The following NOTCH2 variants were observed in gnomAD, a reference collection of about 807,000 sequenced individuals.
NOTCH2 encodes notch receptor 2, also known as neurogenic locus notch homolog protein 2.
In NOTCH2, 29 loss-of-function variants were observed where a neutral mutation model predicts 235.8. That is an observed-to-expected ratio of 0.12 (90% confidence interval 0.09 to 0.17). The LOEUF is 0.17. Ranked by LOEUF, NOTCH2 falls within the 10% of genes least tolerant of loss-of-function variation. The pLI, the probability that NOTCH2 is intolerant of heterozygous loss-of-function variation, is 1.00. For missense variants in NOTCH2, 2,285 were observed against 3,150.2 expected, an observed-to-expected ratio of 0.73 and a Z score of 6.57; for synonymous variants, 1,086 against 1,141.5, an observed-to-expected ratio of 0.95 and a Z score of 0.98.
In NOTCH2 at chr1:119,922,664, G is replaced by C; in HGVS notation, c.4974C>G (p.Thr1658=). 6.2e-7 allele frequency: 1 copy of C among 1,614,130 alleles called. No individual in the cohort carries two copies. The highest frequency in any genetic ancestry group is 8.5e-7 in the Non-Finnish European group (1 of 1,180,036). The change falls in exon 27 of 34, where the codon ACC becomes ACG. Residue 1658 remains threonine, a synonymous_variant. Coordinates refer to ENST00000256646, the MANE Select transcript of NOTCH2 (RefSeq NM_024408.4). The part of the protein sequence containing the change: ...ALLASHAIQG[T]LSYPLVSVVS... Reference sequence around the variant, plus strand: ...CGACAGACACAAGAGGGTATGACAGGGTCCCCTGTATGGCGTGAGAGGCCA... The same window carrying C: ...CGACAGACACAAGAGGGTATGACAGCGTCCCCTGTATGGCGTGAGAGGCCA...
At chr1:119,950,504 A>G (rs1471325448) in intron 15 of NOTCH2, 1 of 680,228 alleles carries the variant, frequency 1.5e-6, no homozygotes, top group Non-Finnish European at 2.7e-6. Flanking sequence ...TCAAATACTA[A>G]AGTACAATGT....
At chr1:120,067,656 CTG>C (rs1316740187) in intron 1 of NOTCH2, among the ~76,000 whole-genome samples, 1 of 152,188 alleles carries the variant, frequency 6.6e-6, no homozygotes, top group Non-Finnish European at 1.5e-5. Flanking sequence ...TACCCTCAGA[CTG>C]TCTCATTGAT....
At chr1:119,945,816 T>C (rs1368671014) in intron 17 of NOTCH2, among the ~76,000 whole-genome samples, 2 of 152,096 alleles carry the variant, frequency 1.3e-5, no homozygotes, top group East Asian at 1.9e-4. Flanking sequence ...AGCCTCCTTA[T>C]TATATTCTAT....
In NOTCH2 at chr1:119,915,591, T is replaced by C. The variant is rs1649036233; in HGVS notation, c.7131A>G (p.Pro2377=). ...GTGTGGGGTACTTGCCCACAGAGGC[T>C]GGGAAAGGATGATAGGCTGGGAGAA... ...QTILPAYHPF[P]ASVGKYPTPP... Residue 2377 remains proline, a synonymous_variant, in exon 34 of 34, where the codon CCA becomes CCG. Transcript: ENST00000256646. The C allele has an allele frequency of 6.2e-7, 1 of 1,613,786 alleles. No homozygotes were observed.
Position 120,065,545 on chromosome 1 carries a change from T to C in NOTCH2, c.73+3789A>G, listed in dbSNP as rs200415550. Among the ~76,000 whole-genome samples, 916 of 152,306 alleles carry C rather than the reference T, an allele frequency of 6.0e-3. 43 individuals are homozygous for C. In the East Asian group the frequency reaches 0.14, roughly 23 times the overall value. Reference sequence around the variant, plus strand: ...ACACCAGAAGAAAGGAATTCTAGTCTCAACTCTAATTGGCTCTGTGACCAT... The same window carrying C: ...ACACCAGAAGAAAGGAATTCTAGTCCCAACTCTAATTGGCTCTGTGACCAT... On this transcript the variant is annotated intron_variant, in intron 1 of 33. Transcript: ENST00000256646.
chr1:119,945,358 T>G (rs1019603509), intron 17 of NOTCH2, among the ~76,000 whole-genome samples: 1 of 152,060 alleles, frequency 6.6e-6, no homozygotes, highest in Non-Finnish European at 1.5e-5. Flanking sequence ...AACAGCAAGA[T>G]GGCATATTTT....
At chr1:119,967,708 C>T in intron 7 of NOTCH2, 87 bp from the exon 8 acceptor site, 1 of 1,155,034 alleles carries the variant, frequency 8.7e-7, no homozygotes, top group Non-Finnish European at 1.3e-6. Context: ...ATGGTTATAG[C>T]ATCAGGGCCA....
chr1:120,025,950 G>C (rs1215049955), intron 2 of NOTCH2, among the ~76,000 whole-genome samples: 1 of 136,032 alleles, frequency 7.4e-6, no homozygotes, highest in Non-Finnish European at 1.5e-5. Context: ...GTAGGACAAG[G>C]GAAAGAATAA....
rs1043964 is a variant in NOTCH2 at position 119,912,472 on chromosome 1, T to C, written c.*2834A>G. 0.043 allele frequency: 10,089 copies of C among 233,282 alleles called. 379 individuals carry two copies. The highest frequency in any genetic ancestry group is 0.11 in the South Asian group (591 of 5,514). 14.5% of individuals were successfully genotyped at this position (233,282 alleles called of 1,614,324 possible). A position where few individuals can be genotyped will look rare whatever the true frequency, so the allele number is the denominator to read the frequency against. ...CAATGGATTTGAGCATCACAGCCAATTGCTTATACTAAAATATTTTAATTC... is the reference window on the plus strand; with the variant it reads ...CAATGGATTTGAGCATCACAGCCAACTGCTTATACTAAAATATTTTAATTC... On this transcript the variant is annotated 3_prime_UTR_variant, in exon 34 of 34. Transcript: ENST00000256646.
At chr1:119,929,325 C>G in intron 22 of NOTCH2, 113 bp from the exon 23 acceptor site, 1 of 847,722 alleles carries the variant, frequency 1.2e-6, no homozygotes, top group Non-Finnish European at 2.0e-6. Flanking sequence ...TACTCCTCAA[C>G]TGGTAGTGGG....
Position 119,926,608 on chromosome 1 carries a change from C to T in NOTCH2, c.3896G>A (p.Arg1299Gln), listed in dbSNP as rs773971657. 11 of 1,602,256 alleles carry T rather than the reference C, an allele frequency of 6.9e-6. No homozygotes were observed. Among genetic ancestry groups the T allele is most frequent in the African/African-American group, 2.7e-5 (2 of 74,710 alleles). ...LCVCRSAFTG[R>Q]HCETFVDVCP... ...CACATCGACGAAGGTTTCACAGTGC[C>T]GGCCTCAGAAAATAAAAAATAAAAA... The change falls in exon 24 of 34, where the codon CGG (arginine) becomes CAG (glutamine). Residue 1299 changes from arginine (R) to glutamine (Q), a missense_variant. Coordinates refer to ENST00000256646, the MANE Select transcript of NOTCH2 (RefSeq NM_024408.4).
At chr1:119,983,214 G>A (rs1211718570) in intron 5 of NOTCH2, among the ~76,000 whole-genome samples, 9 of 118,690 alleles carry the variant, frequency 7.6e-5, no homozygotes, top group Non-Finnish European at 1.2e-4. Flanking sequence ...TTTTTTTTTT[G>A]AGACAGGTTC....
At chr1:119,951,123 T>C (rs1370989485) in intron 14 of NOTCH2, among the ~76,000 whole-genome samples, 1 of 152,198 alleles carries the variant, frequency 6.6e-6, no homozygotes, top group African/African-American at 2.4e-5. Context: ...AAGTTCTTGG[T>C]TCAAAAGCTT....
At chr1:119,922,557 A>G (rs2101155461) in intron 27 of NOTCH2, 79 bp downstream of exon 27, 1 of 1,607,406 alleles carries the variant, frequency 6.2e-7, no homozygotes, top group Non-Finnish European at 8.5e-7. Flanking sequence ...GAAAAAATAG[A>G]GGGCTACATA....
chr1:119,932,604 C>T (rs1359490989), intron 22 of NOTCH2, among the ~76,000 whole-genome samples: 8 of 132,048 alleles, frequency 6.1e-5, no homozygotes, highest in African/African-American at 1.2e-4. Context: ...AACAAACAAA[C>T]AAATATCTAT....
In NOTCH2 at chr1:119,916,405, G is replaced by A. The variant is rs756388778; in HGVS notation, c.6317C>T (p.Pro2106Leu). 3.0e-5 allele frequency: 48 copies of A among 1,614,026 alleles called. No individual in the cohort carries two copies. The highest frequency in any genetic ancestry group is 3.7e-5 in the Non-Finnish European group (44 of 1,180,030). Reference sequence around the variant, plus strand: ...AGTAGGCATGGTACTCTTGGCACTGGGCCGTCTAGACTTCTTGCCCATTGG... The same window carrying A: ...AGTAGGCATGGTACTCTTGGCACTGAGCCGTCTAGACTTCTTGCCCATTGG... ...HTPMGKKSRR[P>L]SAKSTMPTSL... Residue 2106 changes from proline to leucine, a missense_variant, in exon 34 of 34, where the codon CCC (proline) becomes CTC (leucine). Pro to Leu is a moderately conservative substitution (Grantham distance 98). Coordinates refer to ENST00000256646, the MANE Select transcript of NOTCH2 (RefSeq NM_024408.4).
chr1:120,045,629 T>TA (rs1434010220), intron 1 of NOTCH2, among the ~76,000 whole-genome samples: 2 of 151,982 alleles, frequency 1.3e-5, no homozygotes, highest in Non-Finnish European at 2.9e-5. Context: ...TCTCCTTAGA[T>TA]AAAAAACAGT....
chr1:120,026,264 TAGTC>T (rs1211852959), intron 2 of NOTCH2, among the ~76,000 whole-genome samples: 2 of 151,006 alleles, frequency 1.3e-5, no homozygotes, highest in Admixed American at 1.3e-4. Context: ...TCTAAACAGA[TAGTC>T]AGATTCCTTC....
chr1:120,003,384 A>ATC (rs1652842205), intron 3 of NOTCH2, among the ~76,000 whole-genome samples: 2 of 151,248 alleles, frequency 1.3e-5, no homozygotes, highest in East Asian at 3.9e-4. Flanking sequence ...ATATATATAT[A>ATC]TTAAGATTGC....
Sources: allele counts gnomAD v4.1 joint callset (sites outside exome capture counted in the v4.1 genomes callset), GRCh38; gene constraint gnomAD v4.1.1; transcripts MANE v1.5; gene names NCBI Gene and HGNC (gene_info 2026-07-23, HGNC 2026-07-21).